TMEM273: variants seen among roughly 807,000 people sequenced by gnomAD.
TMEM273 encodes transmembrane protein 273.
Under a neutral mutation model 17.9 loss-of-function variants are expected in TMEM273, and 19 were observed. That is an observed-to-expected ratio of 1.06 (90% CI 0.74 to 1.55). The LOEUF is 1.55. TMEM273 is among the 40% of genes most tolerant of loss of function. The probability of loss-of-function intolerance (pLI) is 0.00; values close to 1 mark genes in which losing one functional copy is unlikely to be tolerated. For synonymous variants in TMEM273, 66 were observed against 62.0 expected, an observed-to-expected ratio of 1.07 and a Z score of -0.31; for missense variants, 194 against 155.6, an observed-to-expected ratio of 1.25 and a Z score of -1.31.
At position 49,155,696 on chromosome 10, in the gene TMEM273, G is replaced by A. The variant is rs1007291752; in HGVS notation, c.*196C>T. On this transcript the variant is annotated 3_prime_UTR_variant, in exon 7 of 7. Coordinates refer to ENST00000374153, the MANE Select transcript of TMEM273 (RefSeq NM_001288740.3). ...TCCTCTGTGCAGTCCGTTTCTTCCA[G>A]AAGAGGCATGATATTTTCCTTCAGG... 8.3e-6 allele frequency: 6 copies of A among 719,996 alleles called. No individual in the cohort carries two copies. The highest frequency in any genetic ancestry group is 1.1e-5 in the Non-Finnish European group (5 of 439,062). The allele number at this position is 719,996 out of a possible 1,614,324, so 44.6% of individuals were successfully genotyped here.
In TMEM273 at chr10:49,161,639, A is replaced by G; in HGVS notation, c.349-17T>C. The G allele has an allele frequency of 6.2e-7, 1 of 1,614,190 alleles. No homozygotes were observed. The highest frequency in any genetic ancestry group is 8.5e-7 in the Non-Finnish European group (1 of 1,180,004). On this transcript the variant is annotated splice_polypyrimidine_tract_variant and intron_variant, in intron 5 of 6. Coordinates refer to ENST00000374153, the MANE Select transcript of TMEM273 (RefSeq NM_001288740.3). ...TGGTTTCGCCTGCAAAACAAGATAA[A>G]AGGGTGTTCATTGCCTAAGCCTTAG...
intron 1 of TMEM273, 122 bp downstream of exon 1, chr10:49,188,172 C>T: frequency 9.0e-7 from 1 of 1,112,462 alleles, no homozygotes; most frequent in Non-Finnish European, 1.3e-6. Flanking sequence ...AAGTGAGAAA[C>T]ATCATCTGTG....
At chr10:49,157,202 A>G (rs772056358) in intron 6 of TMEM273, among the ~76,000 whole-genome samples, 13 of 152,238 alleles carry the variant, frequency 8.5e-5, no homozygotes, top group Non-Finnish European at 1.9e-4. Context: ...TGAGCAGAAG[A>G]AGGGGCACTG....
At chr10:49,170,410 G>C (rs1297362377) in intron 1 of TMEM273, among the ~76,000 whole-genome samples, 1 of 152,062 alleles carries the variant, frequency 6.6e-6, no homozygotes, top group Non-Finnish European at 1.5e-5. Context: ...CTGTGGCTGG[G>C]ACCCCTGGCT....
At chr10:49,181,707 A>T (rs1165832828) in intron 1 of TMEM273, among the ~76,000 whole-genome samples, 1 of 152,194 alleles carries the variant, frequency 6.6e-6, no homozygotes, top group East Asian at 1.9e-4. Context: ...AGAGCTCAAA[A>T]TTGATCATAG....
intron 6 of TMEM273, among the ~76,000 whole-genome samples, chr10:49,158,787 T>C (rs1002256920): frequency 6.6e-6 from 1 of 152,164 alleles, no homozygotes; most frequent in Non-Finnish European, 1.5e-5. Context: ...TCAATTGCCA[T>C]TTGGGAAAAA....
At chr10:49,169,966 C>A (rs1425003405) in intron 1 of TMEM273, among the ~76,000 whole-genome samples, 1 of 152,244 alleles carries the variant, frequency 6.6e-6, no homozygotes, top group Non-Finnish European at 1.5e-5. Flanking sequence ...TGGGTGGGGC[C>A]AGACCCCTGA....
chr10:49,165,185 G>T lies in TMEM273; in HGVS notation c.348+20C>A. The T allele has an allele frequency of 5.2e-6, 8 of 1,535,116 alleles. No homozygotes were observed. The Admixed American group carries it at 6.3e-5, about 12-fold the overall frequency. On this transcript the variant is annotated intron_variant, in intron 5 of 6. Coordinates refer to ENST00000374153, the MANE Select transcript of TMEM273 (RefSeq NM_001288740.3). ...AGCAAAGAGAAGAGAATGGTGGCTG[G>T]AGTCGAGAGGGGATTGTACCTTAAA...
chr10:49,181,725 T>C (rs1564646600), intron 1 of TMEM273, among the ~76,000 whole-genome samples: 1 of 152,152 alleles, frequency 6.6e-6, no homozygotes, highest in East Asian at 1.9e-4. Flanking sequence ...TAGATTTCAA[T>C]ATAAAACATA....
At chr10:49,162,179 A>G (rs1417758815) in intron 5 of TMEM273, among the ~76,000 whole-genome samples, 1 of 152,210 alleles carries the variant, frequency 6.6e-6, no homozygotes, top group Non-Finnish European at 1.5e-5. Context: ...CATAAAAAGC[A>G]CAGTGACTGC....
chr10:49,161,748 G>A, intron 5 of TMEM273, 126 bp from the exon 6 acceptor site: 1 of 1,050,204 alleles, frequency 9.5e-7, no homozygotes, highest in Non-Finnish European at 1.4e-6. Flanking sequence ...ACTTCCTCAT[G>A]ACTCAGCCTG....
At chr10:49,168,473 C>T (rs141037064) in intron 1 of TMEM273, among the ~76,000 whole-genome samples, 7 of 152,220 alleles carry the variant, frequency 4.6e-5, no homozygotes, top group Non-Finnish European at 1.0e-4. Flanking sequence ...CCATAACTGA[C>T]CATGTCAATA....
intron 1 of TMEM273, among the ~76,000 whole-genome samples, chr10:49,177,479 G>A (rs1036818142): frequency 1.3e-5 from 2 of 152,212 alleles, no homozygotes; most frequent in Admixed American, 6.5e-5. Context: ...ATTTGCATTT[G>A]TGTGTGTACG....
chr10:49,157,037 T>A (rs189129640), intron 6 of TMEM273, among the ~76,000 whole-genome samples: 65 of 152,322 alleles, frequency 4.3e-4, no homozygotes, highest in African/African-American at 1.5e-3. Flanking sequence ...TCCTTCCTAG[T>A]GCCTTTAACA....
rs180764181 is a variant in TMEM273, at chr10:49,162,726, A to G, written c.349-1104T>C. Reference sequence around the variant, plus strand: ...CCCAGCAGAGGGCCCCTGAGGCCACATGGTGCCAGGGTCTTCGCCATGGCC... The same window carrying G: ...CCCAGCAGAGGGCCCCTGAGGCCACGTGGTGCCAGGGTCTTCGCCATGGCC... On this transcript the variant is annotated intron_variant, in intron 5 of 6. Coordinates refer to ENST00000374153, the MANE Select transcript of TMEM273 (RefSeq NM_001288740.3). 3.6e-3 allele frequency among the ~76,000 whole-genome samples: 554 copies of G among 152,264 alleles called. 4 individuals carry two copies. The highest frequency in any genetic ancestry group is 0.012 in the African/African-American group (506 of 41,540).
chr10:49,181,868 T>TAAGAGAA (rs1847363510), intron 1 of TMEM273, among the ~76,000 whole-genome samples: 1 of 152,160 alleles, frequency 6.6e-6, no homozygotes, highest in South Asian at 2.1e-4. Context: ...ACATTTTTGT[T>TAAGAGAA]CGTAAAAGAC....
chr10:49,184,426 C>T (rs1371609597), intron 1 of TMEM273, among the ~76,000 whole-genome samples: 1 of 152,086 alleles, frequency 6.6e-6, no homozygotes, highest in East Asian at 1.9e-4. Flanking sequence ...TAATTAATAT[C>T]CAGAATACTA....
intron 1 of TMEM273, chr10:49,178,075 T>C: frequency 2.4e-6 from 1 of 415,520 alleles, no homozygotes; most frequent in African/African-American, 2.0e-5. Flanking sequence ...CCAACCCATC[T>C]GGGGCACTGC....
rs1232908614 is a variant in TMEM273, at chr10:49,155,585, G to T, written c.*307C>A. 4 of 483,550 alleles carry T rather than the reference G, an allele frequency of 8.3e-6. No homozygotes were observed. In the East Asian group the frequency reaches 1.4e-4, roughly 17 times the overall value. The allele number at this position is 483,550 out of a possible 1,614,324, so 30.0% of individuals were successfully genotyped here. Reference sequence around the variant, plus strand: ...AGGTTCCACGGACATGGACACCATGGCCTCATGGAAGCATGAACAGCTCCA... The same window carrying T: ...AGGTTCCACGGACATGGACACCATGTCCTCATGGAAGCATGAACAGCTCCA... On this transcript the variant is annotated 3_prime_UTR_variant, in exon 7 of 7. Transcript: ENST00000374153.
Sources: allele counts gnomAD v4.1 joint callset (sites outside exome capture counted in the v4.1 genomes callset), GRCh38; gene constraint gnomAD v4.1.1; transcripts MANE v1.5; gene names NCBI Gene and HGNC (gene_info 2026-07-23, HGNC 2026-07-21).